GPS1: variants seen among roughly 807,000 people sequenced by gnomAD.
The protein encoded by GPS1 is G protein pathway suppressor 1.
GPS1 carries 11 observed loss-of-function variants against 60.0 expected under a neutral mutation model. That is an observed-to-expected ratio of 0.18 (90% confidence interval 0.12 to 0.30). GPS1 has a LOEUF of 0.30. Ranked by LOEUF, GPS1 falls within the 10% of genes least tolerant of loss-of-function variation. GPS1 has a pLI of 1.00. For synonymous variants in GPS1, 343 were observed against 269.8 expected, an observed-to-expected ratio of 1.27 and a Z score of -2.66; for missense variants, 543 against 669.2, an observed-to-expected ratio of 0.81 and a Z score of 2.08.
At chr17:82,054,479 C>A (rs1460885867) in intron 3 of GPS1, 31 bp from the exon 4 acceptor site, 1 of 1,468,282 alleles carries the variant, frequency 6.8e-7, no homozygotes, top group East Asian at 2.4e-5. Flanking sequence ...CCCGTGACCG[C>A]CGCCATCCTG....
Position 82,054,969 on chromosome 17 carries a change from T to C in GPS1, c.681T>C (p.Ile227=). The C allele has an allele frequency of 6.2e-7, 1 of 1,612,992 alleles. No individual in the cohort carries two copies. Among genetic ancestry groups the C allele is most frequent in the Non-Finnish European group, 8.5e-7 (1 of 1,179,926 alleles). ...GCAAGGCTGAGTCCACCCCAGAGAT[T>C]GCCGAGGTACGGGCCACCTCCTCAG... ...YVSKAESTPE[I]AEQRGERDSQ... The change falls in exon 5 of 13, where the codon ATT becomes ATC. Residue 227 remains isoleucine, a synonymous_variant. Transcript: ENST00000578552.
At chr17:82,051,771 C>T, upstream of GPS1, 12 of 1,103,610 alleles carry the variant, frequency 1.1e-5, no homozygotes, top group Non-Finnish European at 1.3e-5. This position sits in a 1 kb window ranked among gnomAD's most constrained non-coding sequence, Gnocchi z 4.1. Context: ...GCTCATGCGG[C>T]CGCCGGGACC....
Position 82,054,714 on chromosome 17 carries a change from T to C in GPS1, c.513T>C (p.Cys171=), listed in dbSNP as rs1051696078. 20 of 1,612,302 alleles carry C rather than the reference T, an allele frequency of 1.2e-5. No individual in the cohort carries two copies. The highest frequency in any genetic ancestry group is 1.5e-5 in the Non-Finnish European group (18 of 1,179,926). The change falls in exon 4 of 13, where the codon TGT becomes TGC. Residue 171 remains cysteine (C), a synonymous_variant. Transcript: ENST00000578552. ...HDDLGDHYLD[C]GDLSNALKCY... is the part of the protein sequence containing the mutation. Reference sequence around the variant, plus strand: ...ACCTGGGCGACCACTACCTGGACTGTGGGGACCTCAGCAACGCCCTCAAGT... The same window carrying C: ...ACCTGGGCGACCACTACCTGGACTGCGGGGACCTCAGCAACGCCCTCAAGT...
chr17:82,051,092 G>A (rs904883680), upstream of GPS1: 118 of 1,367,122 alleles, frequency 8.6e-5, no homozygotes, highest in Non-Finnish European at 1.0e-4. The surrounding 1 kb of genome is among the most constrained non-coding windows in gnomAD (Gnocchi z 4.1). Flanking sequence ...AGCGGCTAGT[G>A]TGAGAGGCTG....
In GPS1 at chr17:82,053,660, C is replaced by T; in HGVS notation, c.127-208C>T. 6.8e-6 allele frequency: 4 copies of T among 587,488 alleles called. No individual in the cohort carries two copies. The South Asian group carries it at 6.9e-5, about 10-fold the overall frequency. The allele number at this position is 587,488 out of a possible 1,614,324, so 36.4% of individuals were successfully genotyped here. The stretch of plus-strand genomic sequence containing the variant: ...GAAAGCCCCCGGGTGCAGGGTCCCA[C>T]TCCTGAGGCTCCTGCGCCAGGCCCA... On this transcript the variant is annotated intron_variant, in intron 2 of 12. Coordinates refer to ENST00000578552, the MANE Select transcript of GPS1 (RefSeq NM_001321092.3).
intron 3 of GPS1, 164 bp downstream of exon 3, chr17:82,054,213 G>T (rs1180512681): frequency 5.0e-6 from 4 of 804,612 alleles, no homozygotes; most frequent in African/African-American, 1.7e-5. Flanking sequence ...TGCCCTGTGT[G>T]TGTGTGGCTT....
Position 82,053,318 on chromosome 17 carries a change from C to T in GPS1, c.78C>T (p.Asp26=), listed in dbSNP as rs756992256. The change falls in exon 2 of 13, where the codon GAC becomes GAT. Residue 26 remains aspartate, a synonymous_variant. Coordinates refer to ENST00000578552, the MANE Select transcript of GPS1 (RefSeq NM_001321092.3). ...AGATCGACGTGGACCCCCAGGAAGA[C>T]CCGCAGAATGCACCTGACGTCAACT... ...PMQIDVDPQE[D]PQNAPDVNYV... 7 of 1,546,812 alleles carry T rather than the reference C, an allele frequency of 4.5e-6. No individual in the cohort carries two copies. Among genetic ancestry groups the T allele is most frequent in the Non-Finnish European group, 5.2e-6 (6 of 1,155,068 alleles).
chr17:82,054,862 CG>C, intron 4 of GPS1, 35 bp from the exon 5 acceptor site: 1 of 1,567,646 alleles, frequency 6.4e-7, no homozygotes, highest in Non-Finnish European at 8.7e-7. Flanking sequence ...GCCATTGGGG[CG>C]CCCGGGCTCA....
chr17:82,056,177 C>A, intron 8 of GPS1, 82 bp downstream of exon 8: 1 of 1,386,876 alleles, frequency 7.2e-7, no homozygotes, highest in East Asian at 2.3e-5. Flanking sequence ...TGTCCTGGCC[C>A]CCTGGCCCCA....
chr17:82,051,281 G>C (rs764652539), upstream of GPS1: 4 of 1,381,444 alleles, frequency 2.9e-6, no homozygotes, highest in Admixed American at 6.6e-5. The surrounding 1 kb of genome is among the most constrained non-coding windows in gnomAD (Gnocchi z 4.1). Context: ...GCCGGGGAGT[G>C]GGGGACACTC....
At chr17:82,055,299 GTCCCTGCCTCAGCCAGGGAAAACT>G (rs1352882985) in intron 6 of GPS1, 77 bp downstream of exon 6, 22 of 1,435,076 alleles carry the variant, frequency 1.5e-5, no homozygotes, top group Non-Finnish European at 2.0e-5. Context: ...CAGTAGGCTG[GTCCCTGCCTCAGCCAGGGAAAACT>G]TCCCTGGCAG....
At chr17:82,055,407 A>C in intron 6 of GPS1, 185 bp downstream of exon 6, 1 of 672,138 alleles carries the variant, frequency 1.5e-6, no homozygotes, top group South Asian at 1.8e-5. Flanking sequence ...CCAGTGGGTG[A>C]CGTGTGGTCA....
chr17:82,057,137 C>T lies in GPS1; in HGVS notation c.*10C>T, dbSNP rs764779002. On this transcript the variant is annotated 3_prime_UTR_variant, in exon 13 of 13. Coordinates refer to ENST00000578552, the MANE Select transcript of GPS1 (RefSeq NM_001321092.3). ...GAGCACCAACATGTGAGGGGTGAAC[C>T]TTGGCCTCCAGGACATCTGCACCCC... The T allele has an allele frequency of 1.9e-6, 3 of 1,567,500 alleles. No individual in the cohort carries two copies. The highest frequency in any genetic ancestry group is 2.4e-5 in the South Asian group (2 of 83,674).
intron 6 of GPS1, chr17:82,055,487 C>T (rs2032375453): frequency 1.6e-6 from 1 of 607,116 alleles, no homozygotes; most frequent in African/African-American, 1.9e-5. Flanking sequence ...CTGGGGTGTC[C>T]TTTGCAGCCC....
chr17:82,052,140 C>G, intron 1 of GPS1, 176 bp downstream of exon 1: 2 of 1,000,720 alleles, frequency 2.0e-6, no homozygotes, highest in Non-Finnish European at 2.6e-6. Context: ...GCGTCTCCGC[C>G]GTGGCTGCGC....
intron 2 of GPS1, 138 bp from the exon 3 acceptor site, chr17:82,053,730 C>T (rs1035837837): frequency 2.4e-6 from 2 of 818,140 alleles, no homozygotes; most frequent in Non-Finnish European, 3.7e-6. Context: ...CAGTCTCGTA[C>T]CCCCATGCCC....
chr17:82,055,413 G>A, intron 6 of GPS1, 191 bp downstream of exon 6: 1 of 661,942 alleles, frequency 1.5e-6, no homozygotes. Flanking sequence ...GGTGACGTGT[G>A]GTCAGGGTCT....
rs776201558 is a variant in GPS1 at position 82,053,864 on chromosome 17, C to T, written c.127-4C>T. On this transcript the variant is annotated splice_region_variant and splice_polypyrimidine_tract_variant and intron_variant, in intron 2 of 12. Transcript: ENST00000578552. The stretch of plus-strand genomic sequence containing the variant: ...GCCTGACTCTTGTCTGTGCCTGCTC[C>T]CAGGATCTGGAACAGTACGCGGCCA... 4 of 1,603,724 alleles carry T rather than the reference C, an allele frequency of 2.5e-6. No individual in the cohort carries two copies. Among genetic ancestry groups the T allele is most frequent in the East Asian group, 4.5e-5 (2 of 44,700 alleles).
chr17:82,056,523 C>G lies in GPS1; in HGVS notation c.1089C>G (p.Thr363=). Residue 363 remains threonine, a synonymous_variant, in exon 10 of 13, where the codon ACC becomes ACG. Transcript: ENST00000578552. Reference sequence around the variant, plus strand: ...CCCCCCATGTCAGGACCCTGTACACCCAGATTCGCAACCGTGCCCTCATCC... The same window carrying G: ...CCCCCCATGTCAGGACCCTGTACACGCAGATTCGCAACCGTGCCCTCATCC... The part of the protein sequence containing the change: ...YLAPHVRTLY[T]QIRNRALIQY... The G allele has an allele frequency of 6.2e-7, 1 of 1,613,144 alleles. No individual in the cohort carries two copies. The highest frequency in any genetic ancestry group is 1.1e-5 in the South Asian group (1 of 91,078).
Sources: allele counts gnomAD v4.1 joint callset, GRCh38; gene constraint gnomAD v4.1.1; non-coding constraint Gnocchi (gnomAD v3.1); transcripts MANE v1.5; gene names NCBI Gene and HGNC (gene_info 2026-07-23, HGNC 2026-07-21).